The following KCNT2 variants were observed in gnomAD, a reference collection of about 807,000 sequenced individuals.
KCNT2 encodes potassium sodium-activated channel subfamily T member 2.
In KCNT2, 67 loss-of-function variants were observed where a neutral mutation model predicts 153.8. The ratio of observed to expected loss-of-function variants is 0.44; its 90% CI spans 0.36 to 0.53. The LOEUF is 0.53. Among genes scored for constraint, KCNT2 ranks in the 20% least tolerant of loss-of-function variants. The probability of loss-of-function intolerance (pLI) is 0.00; values close to 1 mark genes in which losing one functional copy is unlikely to be tolerated. For missense variants in KCNT2, 975 were observed against 1,354.8 expected (o/e 0.72, Z 4.40); for synonymous variants, 500 against 458.8 (o/e 1.09, Z -1.15).
At chr1:196,583,914 A>T (rs1037713019) in intron 1 of KCNT2, among the ~76,000 whole-genome samples, 10 of 152,090 alleles carry the variant, frequency 6.6e-5, no homozygotes, top group African/African-American at 2.4e-4. Context: ...ATATGTAAAA[A>T]TGAATCAGTT....
intron 1 of KCNT2, among the ~76,000 whole-genome samples, chr1:196,589,689 G>T (rs562104639): frequency 1.3e-5 from 2 of 152,016 alleles, no homozygotes; most frequent in African/African-American, 4.8e-5. Context: ...TGTGACTACT[G>T]TTCCACATTC....
intron 8 of KCNT2, among the ~76,000 whole-genome samples, chr1:196,440,293 T>C (rs2148584519): frequency 6.6e-6 from 1 of 152,180 alleles, no homozygotes; most frequent in African/African-American, 2.4e-5. Context: ...TATATGTTCC[T>C]TGAAAATCCA....
chr1:196,567,707 G>A (rs1660276823), intron 1 of KCNT2, among the ~76,000 whole-genome samples: 1 of 152,202 alleles, frequency 6.6e-6, no homozygotes, highest in Non-Finnish European at 1.5e-5. Flanking sequence ...GATGTTCTGT[G>A]GAGAAAGAGA....
intron 14 of KCNT2, among the ~76,000 whole-genome samples, chr1:196,356,200 A>C (rs1667160946): frequency 6.6e-6 from 1 of 151,768 alleles, no homozygotes; most frequent in South Asian, 2.1e-4. Flanking sequence ...CATAACTAAA[A>C]ATAATCTTCA....
chr1:196,380,311 C>G (rs1333689280), intron 13 of KCNT2, among the ~76,000 whole-genome samples: 1 of 152,112 alleles, frequency 6.6e-6, no homozygotes, highest in Admixed American at 6.6e-5. Flanking sequence ...AGTTTAAAAG[C>G]TTCTAAAATA....
At chr1:196,306,143 T>C (rs1661616104) in intron 21 of KCNT2, among the ~76,000 whole-genome samples, 1 of 152,110 alleles carries the variant, frequency 6.6e-6, no homozygotes. Context: ...GCTTTCCTTG[T>C]TAAATATTTT....
At chr1:196,447,890 C>T (rs559803447) in intron 8 of KCNT2, among the ~76,000 whole-genome samples, 5 of 151,114 alleles carry the variant, frequency 3.3e-5, no homozygotes, top group East Asian at 2.0e-4. Flanking sequence ...GTCAGGCCAC[C>T]GAGAGCAGGA....
At chr1:196,543,255 T>A (rs1162114283) in intron 1 of KCNT2, among the ~76,000 whole-genome samples, 1 of 152,144 alleles carries the variant, frequency 6.6e-6, no homozygotes, top group Non-Finnish European at 1.5e-5. Flanking sequence ...ATCCCATCTG[T>A]CTTTCAGCAA....
intron 25 of KCNT2, among the ~76,000 whole-genome samples, chr1:196,261,125 G>T (rs918985597): frequency 2.0e-5 from 3 of 151,852 alleles, no homozygotes; most frequent in Middle Eastern, 6.8e-3. Context: ...ACTCTCCTGT[G>T]TTTTAAACAT....
intron 1 of KCNT2, among the ~76,000 whole-genome samples, chr1:196,585,111 T>C (rs1662515858): frequency 6.6e-6 from 1 of 152,034 alleles, no homozygotes; most frequent in Non-Finnish European, 1.5e-5. Flanking sequence ...TGGAGTCTAG[T>C]TGGAGAAACT....
intron 13 of KCNT2, among the ~76,000 whole-genome samples, chr1:196,393,625 AT>A (rs1373532117): frequency 6.6e-6 from 1 of 150,968 alleles, no homozygotes; most frequent in Non-Finnish European, 1.5e-5. Flanking sequence ...GCATTTAATG[AT>A]TTAGGAAATG....
At chr1:196,308,318 G>A (rs1239697741) in intron 21 of KCNT2, among the ~76,000 whole-genome samples, 1 of 151,966 alleles carries the variant, frequency 6.6e-6, no homozygotes, top group African/African-American at 2.4e-5. Flanking sequence ...AGGAAGAGCT[G>A]AGGGTGCCTG....
chr1:196,434,994 A>G (rs182820035), intron 8 of KCNT2, among the ~76,000 whole-genome samples: 35 of 151,430 alleles, frequency 2.3e-4, no homozygotes, highest in African/African-American at 7.7e-4. Context: ...TGAAGTTGAA[A>G]GAGTAATTAC....
intron 12 of KCNT2, among the ~76,000 whole-genome samples, chr1:196,414,845 A>G (rs1215350309): frequency 6.6e-6 from 1 of 151,916 alleles, no homozygotes; most frequent in Non-Finnish European, 1.5e-5. Flanking sequence ...AGTATTTTAC[A>G]TCATGTAAGA....
chr1:196,270,327 A>T (rs751553241), intron 25 of KCNT2, among the ~76,000 whole-genome samples: 1 of 152,070 alleles, frequency 6.6e-6, no homozygotes, highest in Non-Finnish European at 1.5e-5. Flanking sequence ...AAATTAAAGA[A>T]CGGTTTCTGT....
intron 1 of KCNT2, among the ~76,000 whole-genome samples, chr1:196,588,419 G>A (rs1662949152): frequency 6.6e-6 from 1 of 152,048 alleles, no homozygotes; most frequent in Non-Finnish European, 1.5e-5. Flanking sequence ...AGAAGGCAAT[G>A]TCAAAGTGTG....
intron 8 of KCNT2, among the ~76,000 whole-genome samples, chr1:196,435,160 T>C (rs1439279528): frequency 8.6e-6 from 1 of 116,304 alleles, no homozygotes; most frequent in Non-Finnish European, 2.0e-5. Context: ...TATATATATA[T>C]ATATATATAT....
At chr1:196,284,248 A>ATATATATAT (rs1553271464) in intron 23 of KCNT2, among the ~76,000 whole-genome samples, 1 of 10,042 alleles carries the variant, frequency 1.0e-4, no homozygotes, top group African/African-American at 1.4e-4. Context: ...AAAAAAAAAA[A>ATATATATAT]ATATATATAT....
At chr1:196,323,093 G>T (rs1302435508) in intron 19 of KCNT2, among the ~76,000 whole-genome samples, 1 of 151,838 alleles carries the variant, frequency 6.6e-6, no homozygotes, top group African/African-American at 2.4e-5. Flanking sequence ...GGCTTAAAAA[G>T]ACTCAGTAAC....
Sources: gnomAD v4.1 joint callset for allele counts (sites outside exome capture counted in the v4.1 genomes callset) on GRCh38, gnomAD v4.1.1 for gene constraint, MANE v1.5 for transcripts, NCBI Gene and HGNC (gene_info 2026-07-23, HGNC 2026-07-21) for gene names.